Variants in TMA16 observed in about 807,000 individuals in gnomAD.
TMA16 encodes translation machinery-associated protein 16.
TMA16 carries 26 observed loss-of-function variants against 27.1 expected under a neutral mutation model. The ratio of observed to expected loss-of-function variants is 0.96; its 90% confidence interval spans 0.70 to 1.33. TMA16 has a LOEUF of 1.33. TMA16 is among the 40% of genes most tolerant of loss of function. TMA16 has a pLI of 0.00. For missense variants in TMA16, 233 were observed against 241.4 expected (o/e 0.97, Z 0.23); for synonymous variants, 71 against 81.9 (o/e 0.87, Z 0.72).
intron 1 of TMA16, among the ~76,000 whole-genome samples, chr4:163,499,861 A>C (rs78856691): frequency 0.011 from 1,659 of 152,316 alleles, 28 homozygotes; most frequent in African/African-American, 0.036. Context: ...TGAAATAGTT[A>C]ATGCTAATCT....
chr4:163,517,840 T>C (rs1737907524), intron 6 of TMA16, among the ~76,000 whole-genome samples: 1 of 152,176 alleles, frequency 6.6e-6, no homozygotes, highest in South Asian at 2.1e-4. Context: ...GCAGCCTCTT[T>C]TGCAGAGAAG....
chr4:163,506,093 T>G (rs1414306591), intron 1 of TMA16, among the ~76,000 whole-genome samples: 2 of 152,196 alleles, frequency 1.3e-5, no homozygotes, highest in African/African-American at 4.8e-5. Flanking sequence ...CAAAAGGATC[T>G]GCAACTTCCC....
chr4:163,501,105 T>C (rs546327420), intron 1 of TMA16, among the ~76,000 whole-genome samples: 1 of 152,336 alleles, frequency 6.6e-6, no homozygotes, highest in South Asian at 2.1e-4. Context: ...TATTTCTTTA[T>C]TGCCTCCCAT....
In TMA16 at chr4:163,494,724, T is replaced by G; in HGVS notation, c.-78T>G. On this transcript the variant is annotated 5_prime_UTR_variant, in exon 1 of 7. Coordinates refer to ENST00000358572, the MANE Select transcript of TMA16 (RefSeq NM_018352.3). The stretch of plus-strand genomic sequence containing the variant: ...GTGGGATTCGGCCCGGGTGCTCTTG[T>G]GAGCTGCTGCTCCTGCGGTTGGTGA... The G allele has an allele frequency of 6.2e-7, 1 of 1,606,854 alleles. No homozygotes were observed.
rs1271034285 is a variant in TMA16 at position 163,519,338 on chromosome 4, T to C, written c.436T>C (p.Trp146Arg). The C allele has an allele frequency of 6.3e-7, 1 of 1,576,704 alleles. No homozygotes were observed. Among genetic ancestry groups the C allele is most frequent in the Non-Finnish European group, 8.6e-7 (1 of 1,165,900 alleles). ...TTTTTTTTTCCTTTTGTCTAGGGAA[T>C]GGGACTTTGATCTGAAGAAATTACC... Reference protein sequence around the residue: ...NASNLKTFREWDFDLKKLPNI... With the variant: ...NASNLKTFRERDFDLKKLPNI... Residue 146 changes from tryptophan (W) to arginine (R), a missense_variant, in exon 7 of 7, where the codon TGG (tryptophan) becomes CGG (arginine). Physicochemically the swap from Trp to Arg is moderately radical, Grantham distance 101. Transcript: ENST00000358572.
intron 2 of TMA16, among the ~76,000 whole-genome samples, chr4:163,511,231 G>T (rs1560914950): frequency 6.7e-6 from 1 of 148,162 alleles, no homozygotes; most frequent in Non-Finnish European, 1.5e-5. Flanking sequence ...TGTTGTCAGG[G>T]TTTTTTTTTT....
intron 2 of TMA16, among the ~76,000 whole-genome samples, chr4:163,508,169 A>G (rs753855309): frequency 6.6e-6 from 1 of 152,180 alleles, no homozygotes; most frequent in Non-Finnish European, 1.5e-5. Context: ...TCTTTTTAAT[A>G]TGATTTATTA....
chr4:163,498,058 T>G (rs1267964565), intron 1 of TMA16, among the ~76,000 whole-genome samples: 1 of 152,194 alleles, frequency 6.6e-6, no homozygotes, highest in East Asian at 1.9e-4. Flanking sequence ...CCTGATCTTA[T>G]AGATCTATGT....
chr4:163,498,705 C>T (rs1737601329), intron 1 of TMA16, among the ~76,000 whole-genome samples: 2 of 152,148 alleles, frequency 1.3e-5, no homozygotes, highest in African/African-American at 4.8e-5. Context: ...CACTCTGTCA[C>T]CTAGCGTGGC....
At chr4:163,518,206 T>A (rs368087482) in intron 6 of TMA16, among the ~76,000 whole-genome samples, 4 of 152,178 alleles carry the variant, frequency 2.6e-5, no homozygotes, top group African/African-American at 4.8e-5. Context: ...AATGTTTAGC[T>A]CCTACTTATA....
chr4:163,511,764 G>C (rs1579018800), intron 2 of TMA16, among the ~76,000 whole-genome samples: 1 of 152,096 alleles, frequency 6.6e-6, no homozygotes, highest in African/African-American at 2.4e-5. Flanking sequence ...GTTTGAGGCT[G>C]TGGTGAGCAA....
chr4:163,505,105 AG>A (rs1162461741), intron 1 of TMA16, among the ~76,000 whole-genome samples: 1 of 152,234 alleles, frequency 6.6e-6, no homozygotes, highest in Admixed American at 6.5e-5. Context: ...CACATTCAAA[AG>A]GAGGGGATTC....
Position 163,513,272 on chromosome 4 carries a change from G to C in TMA16, c.154+413G>C, listed in dbSNP as rs192295058. Among the ~76,000 whole-genome samples the C allele has an allele frequency of 4.1e-3, 623 of 152,192 alleles. 6 individuals are homozygous for C. The highest frequency in any genetic ancestry group is 5.0e-3 in the Admixed American group (77 of 15,290). On this transcript the variant is annotated intron_variant, in intron 3 of 6. Transcript: ENST00000358572. Reference sequence around the variant, plus strand: ...TGTCATGTCACTGTTTTTTTGGTCAGATTTATTGCTAATAATTTTTTACTC... The same window carrying C: ...TGTCATGTCACTGTTTTTTTGGTCACATTTATTGCTAATAATTTTTTACTC...
At chr4:163,496,218 G>C (rs1045346190) in intron 1 of TMA16, among the ~76,000 whole-genome samples, 2 of 152,052 alleles carry the variant, frequency 1.3e-5, no homozygotes, top group African/African-American at 4.8e-5. Context: ...GGACAGAGTT[G>C]GGCACCTGTC....
intron 6 of TMA16, 148 bp from the exon 7 acceptor site, chr4:163,519,186 A>G (rs1394069946): frequency 1.6e-6 from 1 of 619,944 alleles, no homozygotes; most frequent in African/African-American, 1.9e-5. Flanking sequence ...ACAGCTTTCT[A>G]GTAATTTGTG....
chr4:163,494,898 T>C (rs1737525920), intron 1 of TMA16, 94 bp downstream of exon 1: 1 of 1,547,902 alleles, frequency 6.5e-7, no homozygotes, highest in African/African-American at 1.4e-5. Flanking sequence ...TTCGGGAACC[T>C]AGGAGAGGGG....
chr4:163,515,836 A>T (rs892284049), intron 5 of TMA16: 1 of 162,404 alleles, frequency 6.2e-6, no homozygotes, highest in Admixed American at 6.0e-5. Context: ...GTCATGAAAC[A>T]AAGGCCAGCT....
chr4:163,499,391 C>CA (rs1737612102), intron 1 of TMA16, among the ~76,000 whole-genome samples: 1 of 151,956 alleles, frequency 6.6e-6, no homozygotes, highest in South Asian at 2.1e-4. Flanking sequence ...GACTCCTCTA[C>CA]AAAAAAATAA....
At chr4:163,515,505 G>A in intron 5 of TMA16, 44 bp downstream of exon 5, 1 of 1,508,150 alleles carries the variant, frequency 6.6e-7, no homozygotes, top group Admixed American at 2.2e-5. Context: ...TGACATAGCA[G>A]TATCAATTTG....
Sources: allele counts gnomAD v4.1 joint callset (sites outside exome capture counted in the v4.1 genomes callset), GRCh38; gene constraint gnomAD v4.1.1; transcripts MANE v1.5; gene names NCBI Gene and HGNC (gene_info 2026-07-23, HGNC 2026-07-21).